The following SLC17A9 variants were observed in gnomAD, a reference collection of about 807,000 sequenced individuals.
The protein encoded by SLC17A9 is solute carrier family 17 member 9.
A neutral mutation model predicts 55.0 loss-of-function variants in SLC17A9; 49 were observed. The ratio of observed to expected loss-of-function variants is 0.89; its 90% CI spans 0.71 to 1.13. The LOEUF (loss-of-function observed/expected upper bound fraction) is 1.13. Ranked by LOEUF, SLC17A9 falls within the 50% of genes most tolerant of loss-of-function variation. The pLI is 0.00. For synonymous variants in SLC17A9, 256 were observed against 247.4 expected (o/e 1.03, Z -0.32); for missense variants, 526 against 569.3 (o/e 0.92, Z 0.77).
chr20:62,962,825 G>A lies in SLC17A9; in HGVS notation c.628+71G>A, dbSNP rs1319956535. The A allele has an allele frequency of 2.5e-5, 40 of 1,585,178 alleles. No individual in the cohort carries two copies. Among genetic ancestry groups the A allele is most frequent in the African/African-American group, 1.2e-4 (9 of 74,254 alleles). On this transcript the variant is annotated intron_variant, in intron 5 of 12. Transcript: ENST00000370351. This position sits in a 1 kb window ranked among gnomAD's most constrained non-coding sequence, Gnocchi z 5.5. ...AGTGCCTCCTCCCCTGGTGGCAGCC[G>A]CTGAGCAGCCTGGAGCAGGAGCCCG...
chr20:62,966,639 A>T, intron 11 of SLC17A9, 59 bp downstream of exon 11: 1 of 1,613,842 alleles, frequency 6.2e-7, no homozygotes, highest in Non-Finnish European at 8.5e-7. Context: ...TGGGTGAGCC[A>T]TGGGGGATCC....
rs1285723189 is a variant in SLC17A9 at position 62,966,793 on chromosome 20, G to T, written c.1147+61G>T. On this transcript the variant is annotated intron_variant, in intron 12 of 12. Coordinates refer to ENST00000370351, the MANE Select transcript of SLC17A9 (RefSeq NM_022082.4). Reference sequence around the variant, plus strand: ...GTCTGTGGGGTTTGAGGCCACCGAGGTGCTGCAGGGTGGGGTTGTGCCTCC... The same window carrying T: ...GTCTGTGGGGTTTGAGGCCACCGAGTTGCTGCAGGGTGGGGTTGTGCCTCC... 3 of 1,576,916 alleles carry T rather than the reference G, an allele frequency of 1.9e-6. No individual in the cohort carries two copies. The South Asian group carries it at 3.5e-5, about 18-fold the overall frequency.
In SLC17A9 at chr20:62,965,603, C is replaced by T; in HGVS notation, c.946-7C>T. The T allele has an allele frequency of 6.2e-7, 1 of 1,611,400 alleles. No individual in the cohort carries two copies. The highest frequency in any genetic ancestry group is 8.5e-7 in the Non-Finnish European group (1 of 1,179,824). On this transcript the variant is annotated splice_polypyrimidine_tract_variant and splice_region_variant and intron_variant, in intron 9 of 12. Transcript: ENST00000370351. ...TGCCTCTCCGTCACGGTGGCGCTTT[C>T]CTGCAGGGCATGGGCCTTGGCCTCT...
At chr20:62,955,234 G>A (rs2065526625) in intron 1 of SLC17A9, among the ~76,000 whole-genome samples, 1 of 150,254 alleles carries the variant, frequency 6.7e-6, no homozygotes, top group Non-Finnish European at 1.5e-5. Context: ...TGCAACCTCT[G>A]CCTCCCAGGT....
intron 1 of SLC17A9, 50 bp from the exon 2 acceptor site, chr20:62,956,715 C>T (rs1162576109): frequency 1.9e-6 from 3 of 1,544,528 alleles, no homozygotes; most frequent in Non-Finnish European, 1.8e-6. Flanking sequence ...GAACTCGAAG[C>T]AGCAGGGCCG....
chr20:62,967,346 G>A lies in SLC17A9; in HGVS notation c.1157G>A (p.Gly386Asp). Residue 386 changes from glycine to aspartate, a missense_variant, in exon 13 of 13, where the codon GGT becomes GAT. Coordinates refer to ENST00000370351, the MANE Select transcript of SLC17A9 (RefSeq NM_022082.4). The part of the protein sequence containing the change: ...NTAGALAGVV[G>D]VCLGGYLMET... Reference sequence around the variant, plus strand: ...GCCCTCTCTTGGGCAGGTGTCGTGGGTGTGTGTCTAGGCGGCTACTTGATG... The same window carrying A: ...GCCCTCTCTTGGGCAGGTGTCGTGGATGTGTGTCTAGGCGGCTACTTGATG... The A allele has an allele frequency of 6.2e-7, 1 of 1,614,086 alleles. No homozygotes were observed. The highest frequency in any genetic ancestry group is 8.5e-7 in the Non-Finnish European group (1 of 1,179,982).
At chr20:62,954,377 GC>G (rs957708127) in intron 1 of SLC17A9, among the ~76,000 whole-genome samples, 6 of 152,238 alleles carry the variant, frequency 3.9e-5, no homozygotes, top group African/African-American at 1.4e-4. Context: ...GCCTGGCCCG[GC>G]CCCGCACAGT....
Position 62,967,441 on chromosome 20 carries a change from T to A in SLC17A9, c.1252T>A (p.Phe418Ile). Residue 418 changes from phenylalanine to isoleucine, a missense_variant, in exon 13 of 13, where the codon TTC (phenylalanine) becomes ATC (isoleucine). By Grantham distance (21) the Phe-to-Ile change is conservative. Transcript: ENST00000370351. The part of the protein sequence containing the change: ...AIISNLGLCT[F>I]LVFGQAQRVD... ...CATCAGCAACCTGGGGCTGTGCACC[T>A]TCCTGGTGTTTGGACAGGCTCAGAG... 6.2e-7 allele frequency: 1 copy of A among 1,614,180 alleles called. No homozygotes were observed. The highest frequency in any genetic ancestry group is 8.5e-7 in the Non-Finnish European group (1 of 1,180,024).
rs533288704 is a variant in SLC17A9, at chr20:62,958,506, G to C, written c.397+926G>C. Among the ~76,000 whole-genome samples the C allele has an allele frequency of 6.6e-6, 1 of 152,080 alleles. No individual in the cohort carries two copies. Among genetic ancestry groups the C allele is most frequent in the Non-Finnish European group, 1.5e-5 (1 of 67,980 alleles). On this transcript the variant is annotated intron_variant, in intron 3 of 12. Coordinates refer to ENST00000370351, the MANE Select transcript of SLC17A9 (RefSeq NM_022082.4). The surrounding 1 kb of genome is among the most constrained non-coding windows in gnomAD (Gnocchi z 4.1). ...CCAGGCCTCCAGCCTGCAGGGGCCTGCTGGCCCCAACCCAGCCTGCCTGGC... is the reference window on the plus strand; with the variant it reads ...CCAGGCCTCCAGCCTGCAGGGGCCTCCTGGCCCCAACCCAGCCTGCCTGGC...
chr20:62,954,310 T>TG (rs1210343889), intron 1 of SLC17A9, among the ~76,000 whole-genome samples: 1 of 152,214 alleles, frequency 6.6e-6, no homozygotes, highest in Non-Finnish European at 1.5e-5. Context: ...TCACAAAGGC[T>TG]GGGCCAGGCG....
At chr20:62,953,209 AGGT>A in intron 1 of SLC17A9, 1 of 1,550,444 alleles carries the variant, frequency 6.4e-7, no homozygotes, top group South Asian at 1.2e-5. Context: ...ACCCCTCGCC[AGGT>A]GGAACCACCC....
In SLC17A9 at chr20:62,964,315, G is replaced by T; in HGVS notation, c.910G>T (p.Gly304Cys). Residue 304 changes from glycine to cysteine, a missense_variant and splice_region_variant, in exon 8 of 13, where the codon GGT (glycine) becomes TGT (cysteine). Coordinates refer to ENST00000370351, the MANE Select transcript of SLC17A9 (RefSeq NM_022082.4). ...GFLSDHLINQ[G>C]YRAITVRKLM... ...TCTCTCTGATCATCTCATCAATCAGGGTGAGCCCCAGGGAGGGGACCGGGG... is the reference window on the plus strand; with the variant it reads ...TCTCTCTGATCATCTCATCAATCAGTGTGAGCCCCAGGGAGGGGACCGGGG... The T allele has an allele frequency of 6.2e-7, 1 of 1,614,126 alleles. No homozygotes were observed. Among genetic ancestry groups the T allele is most frequent in the Non-Finnish European group, 8.5e-7 (1 of 1,179,976 alleles).
In SLC17A9 at chr20:62,952,807, C is replaced by T. The variant is rs753207073; in HGVS notation, c.-24C>T. 1.1e-5 allele frequency: 17 copies of T among 1,533,934 alleles called. No homozygotes were observed. The highest frequency in any genetic ancestry group is 6.0e-5 in the South Asian group (5 of 83,608). On this transcript the variant is annotated 5_prime_UTR_variant, in exon 1 of 13. In the 5' UTR this introduces an upstream ATG that the reference lacks. Transcript: ENST00000370351. ...CAGCCCCGGGACACAGCTGTGCCCA[C>T]GCCGTCTGAGCACCCCAAGCCCGAT... is the stretch of plus-strand genomic sequence containing the variant.
chr20:62,959,815 G>C (rs1478281259), intron 3 of SLC17A9, among the ~76,000 whole-genome samples: 1 of 152,260 alleles, frequency 6.6e-6, no homozygotes, highest in Non-Finnish European at 1.5e-5. Flanking sequence ...GGGTTTGGGG[G>C]ACAAGCTCCT....
chr20:62,963,141 GC>G, intron 5 of SLC17A9, 131 bp from the exon 6 acceptor site: 1 of 897,118 alleles, frequency 1.1e-6, no homozygotes, highest in South Asian at 1.4e-5. Context: ...GGAGGCTGGC[GC>G]CCATGTGCAA....
chr20:62,963,799 T>A, intron 7 of SLC17A9, 119 bp downstream of exon 7: 1 of 925,324 alleles, frequency 1.1e-6, no homozygotes, highest in Non-Finnish European at 1.6e-6. Flanking sequence ...TCCTGGACTC[T>A]GAGGGTCCTG....
At chr20:62,964,086 C>T (rs2065613634) in intron 7 of SLC17A9, 142 bp from the exon 8 acceptor site, 4 of 817,212 alleles carry the variant, frequency 4.9e-6, no homozygotes, top group East Asian at 4.8e-5. Context: ...AAGAGCTGCA[C>T]ATTCCCAGGA....
At chr20:62,959,466 G>A (rs536935493) in intron 3 of SLC17A9, among the ~76,000 whole-genome samples, 2 of 152,350 alleles carry the variant, frequency 1.3e-5, no homozygotes, top group East Asian at 3.9e-4. Flanking sequence ...CAGCAATGGC[G>A]GCTGCGTGGT....
rs781449293 is a variant in SLC17A9 at position 62,967,402 on chromosome 20, A to G, written c.1213A>G (p.Asn405Asp). The G allele has an allele frequency of 2.5e-5, 41 of 1,614,120 alleles. No individual in the cohort carries two copies. The South Asian group carries it at 3.5e-4, about 14-fold the overall frequency. ...ETTGSWTCLF[N>D]LVAIISNLGL... The stretch of plus-strand genomic sequence containing the variant: ...CACGGGCTCCTGGACTTGCCTGTTC[A>G]ACCTTGTGGCCATCATCAGCAACCT... Residue 405 changes from asparagine (N) to aspartate (D), a missense_variant, in exon 13 of 13, where the codon AAC becomes GAC. Transcript: ENST00000370351.
Sources: allele counts gnomAD v4.1 joint callset (sites outside exome capture counted in the v4.1 genomes callset), GRCh38; gene constraint gnomAD v4.1.1; non-coding constraint Gnocchi (gnomAD v3.1); transcripts MANE v1.5; gene names NCBI Gene and HGNC (gene_info 2026-07-23, HGNC 2026-07-21).